LPP: variants seen among roughly 807,000 people sequenced by gnomAD.
LPP encodes lipoma-preferred partner.
Under a neutral mutation model 60.4 loss-of-function variants are expected in LPP, and 38 were observed. The ratio of observed to expected loss-of-function variants is 0.63; its 90% CI spans 0.49 to 0.83. LPP has a LOEUF of 0.83. Ranked by LOEUF, LPP falls within the 40% of genes least tolerant of loss-of-function variation. The pLI, the probability that LPP is intolerant of heterozygous loss-of-function variation, is 0.00. For synonymous variants in LPP, 328 were observed against 290.8 expected (o/e 1.13, Z -1.30); for missense variants, 902 against 783.6 (o/e 1.15, Z -1.80).
intron 3 of LPP, among the ~76,000 whole-genome samples, chr3:188,372,532 G>T (rs73050729): frequency 0.011 from 1,697 of 151,902 alleles, 29 homozygotes; most frequent in African/African-American, 0.037. Context: ...ATTTTCTTTT[G>T]TTTCTTTTTC....
At chr3:188,867,491 G>A (rs1766970147) in intron 10 of LPP, among the ~76,000 whole-genome samples, 1 of 151,856 alleles carries the variant, frequency 6.6e-6, no homozygotes, top group Admixed American at 6.6e-5. Flanking sequence ...CTACAGGCAT[G>A]CACCACCATG....
At chr3:188,736,612 T>C (rs748798213) in intron 8 of LPP, among the ~76,000 whole-genome samples, 14 of 152,090 alleles carry the variant, frequency 9.2e-5, no homozygotes, top group Non-Finnish European at 1.9e-4. Flanking sequence ...GAACTTTAAA[T>C]GTCTCATATC....
chr3:188,566,950 G>A (rs1231130596), intron 6 of LPP, among the ~76,000 whole-genome samples: 4 of 151,838 alleles, frequency 2.6e-5, no homozygotes, highest in African/African-American at 7.2e-5. Flanking sequence ...CCAAATGAGT[G>A]CAAATTGGTC....
At chr3:188,442,409 A>G (rs1794232992) in intron 4 of LPP, among the ~76,000 whole-genome samples, 2 of 152,122 alleles carry the variant, frequency 1.3e-5, no homozygotes, top group Admixed American at 6.5e-5. Flanking sequence ...TCAGTACTAA[A>G]AGGAGCCTTT....
chr3:188,339,724 G>C (rs1454048948), intron 2 of LPP, among the ~76,000 whole-genome samples: 5 of 152,120 alleles, frequency 3.3e-5, no homozygotes, highest in Non-Finnish European at 7.4e-5. Context: ...GACTCATGGG[G>C]TTTACAATTC....
intron 1 of LPP, among the ~76,000 whole-genome samples, chr3:188,181,872 G>A (rs565687006): frequency 2.0e-5 from 3 of 152,222 alleles, no homozygotes; most frequent in South Asian, 4.1e-4. Context: ...ACAGGTGCAC[G>A]CCACTGCACC....
intron 6 of LPP, among the ~76,000 whole-genome samples, chr3:188,539,282 A>T (rs142936148): frequency 6.6e-6 from 1 of 152,298 alleles, no homozygotes; most frequent in Non-Finnish European, 1.5e-5. Flanking sequence ...CTTGGGGAAA[A>T]ATGCAATCTA....
At chr3:188,630,183 A>G (rs1351383676) in intron 7 of LPP, among the ~76,000 whole-genome samples, 1 of 152,100 alleles carries the variant, frequency 6.6e-6, no homozygotes, top group Admixed American at 6.6e-5. Flanking sequence ...GAGTAAACAG[A>G]CAGCCTATAG....
chr3:188,509,625 C>G (rs1382843187), intron 5 of LPP, among the ~76,000 whole-genome samples: 1 of 34,170 alleles, frequency 2.9e-5, no homozygotes, highest in East Asian at 6.4e-4. Context: ...TTTTTTGTCC[C>G]CTTCCTTCCT....
At position 188,191,319 on chromosome 3, in the gene LPP, C is replaced by A. The variant is rs537708221; in HGVS notation, c.-189-34086C>A. ...CAGTTTGGTTAACTTTTAAAGGATA[C>A]CTTCTTATATTTATTTGCTACGCTT... On this transcript the variant is annotated intron_variant, in intron 1 of 11. Transcript: ENST00000617246. Among the ~76,000 whole-genome samples, 5 of 152,284 alleles carry A rather than the reference C, an allele frequency of 3.3e-5. No homozygotes were observed. The East Asian group carries it at 9.6e-4, about 29-fold the overall frequency.
intron 6 of LPP, among the ~76,000 whole-genome samples, chr3:188,558,694 T>C (rs139594409): frequency 0.014 from 2,113 of 152,124 alleles, 25 homozygotes; most frequent in South Asian, 0.049. Flanking sequence ...AAATAGTAAA[T>C]AGCATTACCA....
At chr3:188,192,707 C>G (rs190800047) in intron 1 of LPP, among the ~76,000 whole-genome samples, 3 of 152,118 alleles carry the variant, frequency 2.0e-5, no homozygotes, top group Non-Finnish European at 4.4e-5. Flanking sequence ...CTGAACGTTC[C>G]GCTTTTCCAC....
intron 1 of LPP, among the ~76,000 whole-genome samples, chr3:188,154,895 G>A (rs1029908524): frequency 6.6e-6 from 1 of 152,172 alleles, no homozygotes; most frequent in Non-Finnish European, 1.5e-5. Flanking sequence ...GAAGTTCCAG[G>A]GAGGGGGTTT....
chr3:188,282,200 A>T (rs926451108), intron 2 of LPP, among the ~76,000 whole-genome samples: 13 of 150,840 alleles, frequency 8.6e-5, no homozygotes, highest in African/African-American at 3.2e-4. Flanking sequence ...TTAGCTTAAT[A>T]TGGGGCTCAG....
chr3:188,232,816 T>G (rs1401448570), intron 2 of LPP, among the ~76,000 whole-genome samples: 1 of 141,494 alleles, frequency 7.1e-6, no homozygotes, highest in Non-Finnish European at 1.5e-5. Flanking sequence ...GTTCACTTAG[T>G]TTTTTTTAGC....
chr3:188,348,805 T>C (rs1457886110), intron 3 of LPP, among the ~76,000 whole-genome samples: 1 of 152,106 alleles, frequency 6.6e-6, no homozygotes, highest in Non-Finnish European at 1.5e-5. Context: ...TTCAAGGCTA[T>C]TGCTGTGGTG....
At chr3:188,477,496 T>C (rs1803547261) in intron 4 of LPP, among the ~76,000 whole-genome samples, 6 of 152,150 alleles carry the variant, frequency 3.9e-5, no homozygotes, top group Admixed American at 3.9e-4. Flanking sequence ...CAGTGCACTG[T>C]AAATAGGTTG....
intron 6 of LPP, among the ~76,000 whole-genome samples, chr3:188,563,460 A>ATGTGTGTGTGTGTGTG (rs59514913): frequency 0.18 from 26,125 of 141,606 alleles, 2,693 homozygotes; most frequent in Middle Eastern, 0.24. Flanking sequence ...TTACATATAT[A>ATGTGTGTGTGTGTGTG]TGTGTGTGTG....
rs114363532 is a variant in LPP at position 188,780,338 on chromosome 3, G to A, written c.1410+20056G>A. On this transcript the variant is annotated intron_variant, in intron 9 of 11. Coordinates refer to ENST00000617246, the MANE Select transcript of LPP (RefSeq NM_001375462.1). ...TCTCTTGAGTATCCAAAATGATTCT[G>A]TAATGATGTCTGTGAGGTCAGAATT... Among the ~76,000 whole-genome samples the A allele has an allele frequency of 6.7e-3, 1,022 of 152,294 alleles. 15 individuals carry two copies. The highest frequency in any genetic ancestry group is 0.022 in the African/African-American group (925 of 41,564).
Sources: gnomAD v4.1 joint callset for allele counts (sites outside exome capture counted in the v4.1 genomes callset) on GRCh38, gnomAD v4.1.1 for gene constraint, MANE v1.5 for transcripts, NCBI Gene and HGNC (gene_info 2026-07-23, HGNC 2026-07-21) for gene names.